Variants in NDRG2 observed in about 807,000 individuals in gnomAD.
NDRG2 encodes protein NDRG2.
NDRG2 carries 34 observed loss-of-function variants against 58.2 expected under a neutral mutation model. The ratio of observed to expected loss-of-function variants is 0.58; its 90% CI spans 0.44 to 0.78. The LOEUF (loss-of-function observed/expected upper bound fraction) is 0.78. NDRG2 is among the 30% of genes least tolerant of loss of function. NDRG2 has a pLI of 0.00. For missense variants in NDRG2, 434 were observed against 471.2 expected (o/e 0.92, Z 0.73); for synonymous variants, 187 against 175.9 (o/e 1.06, Z -0.50).
At chr14:21,058,740 C>T (rs1885799578) in intron 1 of NDRG2, among the ~76,000 whole-genome samples, 1 of 152,156 alleles carries the variant, frequency 6.6e-6, no homozygotes, top group African/African-American at 2.4e-5. Context: ...CCAGGGAGAT[C>T]CCAGACAGGG....
intron 1 of NDRG2, among the ~76,000 whole-genome samples, chr14:21,053,096 GA>G (rs1266558844): frequency 6.6e-6 from 1 of 152,160 alleles, no homozygotes; most frequent in Non-Finnish European, 1.5e-5. Flanking sequence ...GAGAAAAGTT[GA>G]ATTCTCAGAC....
intron 1 of NDRG2, chr14:21,058,099 C>T: frequency 6.2e-7 from 1 of 1,614,156 alleles, no homozygotes; most frequent in Non-Finnish European, 8.5e-7. Context: ...ACCTCAACAC[C>T]TTCCTGCACG....
rs570738165 is a variant in NDRG2, at chr14:21,033,341, G to C, written c.25-10020C>G. The C allele has an allele frequency of 5.5e-4, 159 of 288,376 alleles. 2 individuals are homozygous for C. Among genetic ancestry groups the C allele is most frequent in the African/African-American group, 3.4e-3 (150 of 44,682 alleles). The allele number at this position is 288,376 out of a possible 1,614,324, so 17.9% of individuals were successfully genotyped here. ...TGAGGGCCTCAGGGAGGTTCCTATAGCTAGCCATATCCCCTGAGTAGGTGG... is the reference window on the plus strand; with the variant it reads ...TGAGGGCCTCAGGGAGGTTCCTATACCTAGCCATATCCCCTGAGTAGGTGG... On this transcript the variant is annotated intron_variant, in intron 1 of 14. Coordinates refer to the NDRG2 transcript ENST00000403829.
At chr14:21,051,382 A>G (rs1448801358) in intron 1 of NDRG2, among the ~76,000 whole-genome samples, 2 of 152,144 alleles carry the variant, frequency 1.3e-5, no homozygotes, top group African/African-American at 4.8e-5. Context: ...TATGACCCCT[A>G]TCATTCCTAG....
Position 21,019,178 on chromosome 14 carries a change from G to T in NDRG2, c.717-18C>A. 1 of 1,607,282 alleles carries T rather than the reference G, an allele frequency of 6.2e-7. No individual in the cohort carries two copies. Among genetic ancestry groups the T allele is most frequent in the Non-Finnish European group, 8.5e-7 (1 of 1,177,844 alleles). On this transcript the variant is annotated intron_variant, in intron 10 of 15. Transcript: ENST00000556147. ...CTCGGCGGCTAGAAAGGGGTTAAAAGAGTAGGAATTTTAGGTGGGCAATGC... is the reference window on the plus strand; with the variant it reads ...CTCGGCGGCTAGAAAGGGGTTAAAATAGTAGGAATTTTAGGTGGGCAATGC...
At chr14:21,035,018 T>C (rs750993925) in intron 1 of NDRG2, among the ~76,000 whole-genome samples, 3 of 152,252 alleles carry the variant, frequency 2.0e-5, no homozygotes, top group Admixed American at 6.5e-5. Context: ...ACTGTTATGT[T>C]TCTGAGGAAC....
chr14:21,047,279 T>C (rs1885226604), intron 1 of NDRG2, among the ~76,000 whole-genome samples: 1 of 152,154 alleles, frequency 6.6e-6, no homozygotes, highest in Non-Finnish European at 1.5e-5. Context: ...TTTTTTAAGC[T>C]CACAAGGAAA....
intron 3 of NDRG2, 85 bp downstream of exon 3, chr14:21,022,779 A>T: frequency 1.5e-6 from 2 of 1,364,698 alleles, no homozygotes; most frequent in Non-Finnish European, 2.0e-6. Flanking sequence ...GCAAAGAGAG[A>T]AGAGAGGGCC....
At chr14:21,043,634 T>A (rs1885015947) in intron 1 of NDRG2, 1 of 587,530 alleles carries the variant, frequency 1.7e-6, no homozygotes, top group Non-Finnish European at 3.1e-6. Context: ...TCTAGAGGGA[T>A]GGCTTTTCAT....
chr14:21,021,000 C>T, intron 6 of NDRG2, 156 bp from the exon 7 acceptor site: 1 of 823,330 alleles, frequency 1.2e-6, no homozygotes. Context: ...AAGAAGGGCC[C>T]AAGAAGCCAA....
In NDRG2 at chr14:21,070,731, C is replaced by G. The variant is rs185060561; in HGVS notation, c.24+97G>C. ...CTTCCTTTCCTGGAGCTTCCCTCCC[C>G]CTCCTGGTCCGAGCTCCTTACCCGC... On this transcript the variant is annotated intron_variant, in intron 1 of 14. Transcript: ENST00000403829. This position sits in a 1 kb window ranked among gnomAD's most constrained non-coding sequence, Gnocchi z 4.7. The G allele has an allele frequency of 2.8e-5, 38 of 1,352,956 alleles. No homozygotes were observed. The Admixed American group carries it at 3.1e-4, about 11-fold the overall frequency. 83.8% of individuals were successfully genotyped at this position (1,352,956 alleles called of 1,614,324 possible).
intron 1 of NDRG2, chr14:21,058,120 C>T (rs1300304115): frequency 1.2e-6 from 2 of 1,614,176 alleles, no homozygotes; most frequent in Non-Finnish European, 8.5e-7. Context: ...AGCCCTTCTC[C>T]AGTGTGGCCA....
In NDRG2 at chr14:21,018,129, G is replaced by A. The variant is rs1382371360; in HGVS notation, c.897+75C>T. ...GCTGCGGCACTGTGGGGCCGGGTGT[G>A]TGGCAAAGGGCAGAGCCCAGTGCCA... On this transcript the variant is annotated intron_variant, in intron 14 of 15. Coordinates refer to ENST00000556147, the MANE Select transcript of NDRG2 (RefSeq NM_001320329.2). 3 of 1,602,658 alleles carry A rather than the reference G, an allele frequency of 1.9e-6. No individual in the cohort carries two copies. The African/African-American group carries it at 4.0e-5, about 21-fold the overall frequency.
intron 1 of NDRG2, among the ~76,000 whole-genome samples, chr14:21,069,478 G>A (rs897530106): frequency 3.3e-5 from 5 of 152,238 alleles, no homozygotes; most frequent in African/African-American, 1.2e-4. Flanking sequence ...AGGTAGGGAT[G>A]CGGAAGGGAA....
chr14:21,032,970 T>C (rs1884334570), intron 1 of NDRG2: 2 of 456,066 alleles, frequency 4.4e-6, no homozygotes, highest in Admixed American at 4.7e-5. Context: ...TATGTTCGAT[T>C]AGAGCCGGGC....
At position 21,024,133 on chromosome 14, in the gene NDRG2, G is replaced by A. The variant is rs187816994; in HGVS notation, c.-110C>T. 6.3e-5 allele frequency: 62 copies of A among 985,430 alleles called. No homozygotes were observed. The African/African-American group carries it at 1.0e-3, about 16-fold the overall frequency. 61.0% of individuals were successfully genotyped at this position (985,430 alleles called of 1,614,324 possible). On this transcript the variant is annotated 5_prime_UTR_variant, in exon 1 of 16. Transcript: ENST00000556147. ...CAGCAACGAGGTGAATGACATGGGA[G>A]ACAGACCTGGGGTCTTTCAGGGACG...
chr14:21,026,852 G>A (rs543817801), upstream of NDRG2, among the ~76,000 whole-genome samples: 59 of 152,250 alleles, frequency 3.9e-4, no homozygotes, highest in Middle Eastern at 0.027. Flanking sequence ...CCTGGACAAG[G>A]AAAAGCCTGC....
At chr14:21,061,614 T>G (rs192144371) in intron 1 of NDRG2, among the ~76,000 whole-genome samples, 12 of 152,200 alleles carry the variant, frequency 7.9e-5, no homozygotes, top group African/African-American at 2.9e-4. Flanking sequence ...AAAAATCACT[T>G]GAGAAGGGGC....
intron 1 of NDRG2, chr14:21,031,426 GC>G (rs1258745294): frequency 6.2e-6 from 3 of 484,190 alleles, no homozygotes; most frequent in African/African-American, 5.9e-5. Context: ...GGGCTTGGTA[GC>G]TTTTGGAGGA....
Sources: gnomAD v4.1 joint callset for allele counts (sites outside exome capture counted in the v4.1 genomes callset) on GRCh38, gnomAD v4.1.1 for gene constraint, Gnocchi (gnomAD v3.1) non-coding constraint, MANE v1.5 for transcripts, NCBI Gene and HGNC (gene_info 2026-07-23, HGNC 2026-07-21) for gene names.